The following PTPRT variants were observed in gnomAD, a reference collection of about 807,000 sequenced individuals.
The protein encoded by PTPRT is receptor-type tyrosine-protein phosphatase T.
A neutral mutation model predicts 176.8 loss-of-function variants in PTPRT; 56 were observed. That is an observed-to-expected ratio of 0.32 (90% CI 0.26 to 0.40). The LOEUF is 0.40. PTPRT is among the 10% of genes least tolerant of loss of function. The pLI is 1.00. For missense variants in PTPRT, 1,540 were observed against 1,908.2 expected (o/e 0.81, Z 3.60); for synonymous variants, 783 against 739.0 (o/e 1.06, Z -0.96).
intron 2 of PTPRT, among the ~76,000 whole-genome samples, chr20:42,856,664 T>A (rs928948912): frequency 7.9e-5 from 12 of 151,754 alleles, no homozygotes; most frequent in Non-Finnish European, 1.8e-4. Context: ...CTAGATCCGC[T>A]GCAGTTCCTG....
chr20:42,979,666 G>A (rs982925678), intron 1 of PTPRT, among the ~76,000 whole-genome samples: 8 of 152,070 alleles, frequency 5.3e-5, no homozygotes, highest in African/African-American at 1.9e-4. Context: ...TCTCAGGGAT[G>A]ACAACTCCAG....
chr20:42,846,369 C>T (rs918205266), intron 2 of PTPRT, among the ~76,000 whole-genome samples: 1 of 152,112 alleles, frequency 6.6e-6, no homozygotes, highest in Admixed American at 6.5e-5. Context: ...ATCACAGAAG[C>T]AGATGTCAGG....
chr20:42,484,021 A>T (rs55861451), intron 7 of PTPRT, among the ~76,000 whole-genome samples: 45,718 of 152,088 alleles, frequency 0.3, 7,450 homozygotes, highest in Non-Finnish European at 0.37. Context: ...AGCCAGCCTC[A>T]TTGCAGCACC....
chr20:42,440,691 A>C (rs1386841875), intron 9 of PTPRT, among the ~76,000 whole-genome samples: 1 of 151,922 alleles, frequency 6.6e-6, no homozygotes, highest in African/African-American at 2.4e-5. Context: ...GTTAGCCAGG[A>C]TGGTCTCGAT....
At chr20:42,703,559 T>G (rs1421249250) in intron 6 of PTPRT, among the ~76,000 whole-genome samples, 1 of 152,200 alleles carries the variant, frequency 6.6e-6, no homozygotes, top group Non-Finnish European at 1.5e-5. Flanking sequence ...ATGATCCAAC[T>G]GATGCTCCTC....
At chr20:43,002,256 T>C (rs1005104836) in intron 1 of PTPRT, among the ~76,000 whole-genome samples, 8 of 152,170 alleles carry the variant, frequency 5.3e-5, no homozygotes, top group Non-Finnish European at 1.0e-4. Context: ...TTTCCTTTAT[T>C]ATTACCCACT....
chr20:42,730,214 C>T (rs1438342393), intron 6 of PTPRT, among the ~76,000 whole-genome samples: 1 of 152,174 alleles, frequency 6.6e-6, no homozygotes, highest in Non-Finnish European at 1.5e-5. Flanking sequence ...CCCACACATT[C>T]CATATTTCTC....
intron 11 of PTPRT, among the ~76,000 whole-genome samples, chr20:42,324,725 C>T (rs2057856936): frequency 6.6e-6 from 1 of 152,142 alleles, no homozygotes; most frequent in African/African-American, 2.4e-5. Flanking sequence ...CAATTACATT[C>T]CCTGCTTAAA....
chr20:42,783,989 G>C (rs779513975), intron 3 of PTPRT, among the ~76,000 whole-genome samples: 2 of 152,110 alleles, frequency 1.3e-5, no homozygotes, highest in African/African-American at 4.8e-5. Flanking sequence ...GAATTCCAAC[G>C]TCTCTGTAGA....
intron 7 of PTPRT, among the ~76,000 whole-genome samples, chr20:42,651,060 T>C (rs1201935227): frequency 1.3e-5 from 2 of 152,072 alleles, no homozygotes; most frequent in East Asian, 3.9e-4. Context: ...TAGTTTATTT[T>C]ACACGTGTAA....
intron 11 of PTPRT, among the ~76,000 whole-genome samples, chr20:42,324,889 C>T (rs6093622): frequency 0.34 from 52,272 of 152,074 alleles, 10,297 homozygotes; most frequent in African/African-American, 0.55. Flanking sequence ...GGTGTACATT[C>T]GGCAGATTAG....
chr20:42,312,975 A>G (rs1215595290), intron 12 of PTPRT, among the ~76,000 whole-genome samples: 1 of 151,978 alleles, frequency 6.6e-6, no homozygotes, highest in Non-Finnish European at 1.5e-5. Context: ...GCATTCCCAG[A>G]TGGTTAAGGC....
At chr20:43,132,129 C>T (rs1378299984) in intron 1 of PTPRT, among the ~76,000 whole-genome samples, 2 of 152,118 alleles carry the variant, frequency 1.3e-5, no homozygotes, top group South Asian at 2.1e-4. Context: ...CCCATTATCA[C>T]CATTGTTACT....
At chr20:42,130,106 T>C (rs1988056281) in intron 18 of PTPRT, among the ~76,000 whole-genome samples, 1 of 152,156 alleles carries the variant, frequency 6.6e-6, no homozygotes, top group Non-Finnish European at 1.5e-5. Context: ...TAACTCTGAG[T>C]TCGGTCGCTC....
intron 1 of PTPRT, among the ~76,000 whole-genome samples, chr20:43,041,683 C>G (rs1309499165): frequency 1.3e-5 from 2 of 152,222 alleles, no homozygotes; most frequent in Non-Finnish European, 2.9e-5. Context: ...GTGGTGTTTA[C>G]TGTCATGCCA....
Position 42,244,014 on chromosome 20 carries a change from G to A in PTPRT, c.2312+4673C>T, listed in dbSNP as rs147171923. On this transcript the variant is annotated intron_variant, in intron 14 of 30. Transcript: ENST00000373187. ...AGTTGATGGTCATGTGGAGATGAATGTTTCTGTAGATATTGTGCATTGTAA... is the reference window on the plus strand; with the variant it reads ...AGTTGATGGTCATGTGGAGATGAATATTTCTGTAGATATTGTGCATTGTAA... 4.7e-3 allele frequency among the ~76,000 whole-genome samples: 715 copies of A among 152,328 alleles called. 9 individuals are homozygous for A. The highest frequency in any genetic ancestry group is 0.017 in the Middle Eastern group (5 of 294).
intron 2 of PTPRT, among the ~76,000 whole-genome samples, chr20:42,799,472 C>T (rs1035614699): frequency 2.0e-5 from 3 of 152,154 alleles, no homozygotes; most frequent in African/African-American, 4.8e-5. Flanking sequence ...CTGGGACCTG[C>T]GTCTCCCTTT....
At chr20:42,604,638 A>C (rs2073840733) in intron 7 of PTPRT, among the ~76,000 whole-genome samples, 1 of 152,184 alleles carries the variant, frequency 6.6e-6, no homozygotes. Flanking sequence ...CACATCCACT[A>C]GGGAGCTAGG....
intron 1 of PTPRT, among the ~76,000 whole-genome samples, chr20:42,888,241 C>T (rs900033829): frequency 6.6e-6 from 1 of 151,886 alleles, no homozygotes; most frequent in East Asian, 1.9e-4. Flanking sequence ...AAAATATAAA[C>T]TTTTCTTGTC....
Sources: allele counts gnomAD v4.1 joint callset (sites outside exome capture counted in the v4.1 genomes callset), GRCh38; gene constraint gnomAD v4.1.1; transcripts MANE v1.5; gene names NCBI Gene and HGNC (gene_info 2026-07-23, HGNC 2026-07-21).